The following SASH1 variants were observed in gnomAD, a reference collection of about 807,000 sequenced individuals.
The protein encoded by SASH1 is SAM and SH3 domain containing 1.
A neutral mutation model predicts 125.2 loss-of-function variants in SASH1; 44 were observed. The observed-to-expected ratio is 0.35, with a 90% CI of 0.28 to 0.45. The LOEUF is 0.45. Ranked by LOEUF, SASH1 falls within the 20% of genes least tolerant of loss-of-function variation. The pLI is 1.00. For missense variants in SASH1, 1,426 were observed against 1,614.5 expected (o/e 0.88, Z 2.00); for synonymous variants, 639 against 649.1 (o/e 0.98, Z 0.24).
At position 148,437,722 on chromosome 6, in the gene SASH1, A is replaced by AG. The variant is rs200617448; in HGVS notation, c.286-2462_286-2461insG. ...TAACATAGCAAGATGCTGTTTCTTTAAAAAAAAAAATTTGTTTAAATAGCT... is the reference window on the plus strand; with the variant it reads ...TAACATAGCAAGATGCTGTTTCTTTAGAAAAAAAAAATTTGTTTAAATAGCT... On this transcript the variant is annotated intron_variant, in intron 2 of 19. Coordinates refer to ENST00000367467, the MANE Select transcript of SASH1 (RefSeq NM_015278.5). 1.1e-3 allele frequency among the ~76,000 whole-genome samples: 169 copies of AG among 150,220 alleles called. 1 individual carries two copies. Among genetic ancestry groups the AG allele is most frequent in the African/African-American group, 4.0e-3 (161 of 40,530 alleles).
chr6:148,428,126 C>T (rs1260476499), intron 2 of SASH1, among the ~76,000 whole-genome samples: 1 of 152,174 alleles, frequency 6.6e-6, no homozygotes, highest in African/African-American at 2.4e-5. Context: ...CTGTAGCATC[C>T]CATGGCTCAC....
rs985743229 is a variant in SASH1, at chr6:148,511,337, A to G, written c.730-2987A>G. Reference sequence around the variant, plus strand: ...TTAATTTTCTATTACACACACACACACACACACACACACACACACACACAC... The same window carrying G: ...TTAATTTTCTATTACACACACACACGCACACACACACACACACACACACAC... On this transcript the variant is annotated intron_variant, in intron 8 of 19. Coordinates refer to ENST00000367467, the MANE Select transcript of SASH1 (RefSeq NM_015278.5). Among the ~76,000 whole-genome samples, 41 of 144,730 alleles carry G rather than the reference A, an allele frequency of 2.8e-4. No individual in the cohort carries two copies. The South Asian group carries it at 9.2e-3, about 33-fold the overall frequency. 94.9% of individuals were successfully genotyped at this position (144,730 alleles called of 152,430 possible).
intron 15 of SASH1, among the ~76,000 whole-genome samples, chr6:148,534,477 T>G (rs1164813687): frequency 6.6e-6 from 1 of 152,136 alleles, no homozygotes; most frequent in Non-Finnish European, 1.5e-5. Context: ...AGGAATTAGC[T>G]CTTATCAAGA....
rs1441624914 is a variant in SASH1 at position 148,519,833 on chromosome 6, A to G, written c.1149A>G (p.Lys383=). 6.2e-7 allele frequency: 1 copy of G among 1,611,226 alleles called. No homozygotes were observed. Among genetic ancestry groups the G allele is most frequent in the Non-Finnish European group, 8.5e-7 (1 of 1,178,876 alleles). ...ACCCAGAAGAAGAAAAGGCCCAGAAAGTGTCCCGCTCCCTCACCGAGGGGG... is the reference window on the plus strand; with the variant it reads ...ACCCAGAAGAAGAAAAGGCCCAGAAGGTGTCCCGCTCCCTCACCGAGGGGG... ...FSYPEEEKAQ[K]VSRSLTEGEM... Residue 383 remains lysine (K), a synonymous_variant, in exon 10 of 20, where the codon AAA becomes AAG. Coordinates refer to ENST00000367467, the MANE Select transcript of SASH1 (RefSeq NM_015278.5). This position sits in a 1 kb window ranked among gnomAD's most constrained non-coding sequence, Gnocchi z 4.8.
chr6:148,267,532 C>T (rs988944216), upstream of SASH1, among the ~76,000 whole-genome samples: 1 of 152,082 alleles, frequency 6.6e-6, no homozygotes, highest in Admixed American at 6.5e-5. Context: ...GTGCCCGCCA[C>T]CACGCCCGGC....
At chr6:148,349,241 CTTCTTTCTTTCTTTTTTT>C (rs1367246788) in intron 1 of SASH1, among the ~76,000 whole-genome samples, 1,303 of 87,068 alleles carry the variant, frequency 0.015, 40 homozygotes, top group African/African-American at 0.059. Flanking sequence ...TTCATTCTTT[CTTCTTTCTTTCTTTTTTT>C]TTTTTTTTTT....
At chr6:148,240,079 T>G in the SASH1 span, 4 of 152,322 alleles carry the variant, frequency 2.6e-5, no homozygotes, top group Admixed American at 2.6e-4. Context: ...AAAATGCAGT[T>G]ATATCAGAGA....
intron 1 of SASH1, among the ~76,000 whole-genome samples, chr6:148,357,546 G>T (rs961455129): frequency 3.9e-5 from 6 of 152,098 alleles, no homozygotes; most frequent in African/African-American, 1.4e-4. Flanking sequence ...TGGTGTCTTG[G>T]ATGCCAGTGT....
At chr6:148,528,001 G>A (rs1271772157) in intron 12 of SASH1, among the ~76,000 whole-genome samples, 3 of 76,832 alleles carry the variant, frequency 3.9e-5, no homozygotes, top group African/African-American at 5.9e-5. Context: ...GGGGGGGGGT[G>A]GCAGTAGACT....
chr6:148,228,075 A>T, the SASH1 span, among the ~76,000 whole-genome samples: 3 of 152,204 alleles, frequency 2.0e-5, no homozygotes, highest in Non-Finnish European at 4.4e-5. Flanking sequence ...CTGTAAGAGG[A>T]TTCATCCTCT....
chr6:148,338,647 C>A (rs892927924), upstream of SASH1, among the ~76,000 whole-genome samples: 1 of 151,966 alleles, frequency 6.6e-6, no homozygotes, highest in African/African-American at 2.4e-5. Context: ...TCCTATATGA[C>A]TCTGAAGTTG....
At chr6:148,315,875 G>T (rs1426217743) in intron 1 of SASH1, among the ~76,000 whole-genome samples, 2 of 152,144 alleles carry the variant, frequency 1.3e-5, no homozygotes. Flanking sequence ...CTACACTCCA[G>T]CCTGAGCCAT....
intron 16 of SASH1, among the ~76,000 whole-genome samples, chr6:148,538,208 T>C (rs1781988850): frequency 6.6e-6 from 1 of 152,176 alleles, no homozygotes; most frequent in South Asian, 2.1e-4. Flanking sequence ...CTGCTGAGGC[T>C]GGGGTCCCCA....
rs11339749 is a variant in SASH1, at chr6:148,290,999, G to GT, written n.74+18635dup. On this transcript the variant is annotated intron_variant and non_coding_transcript_variant, in intron 1 of 3. Transcript: ENST00000367469. The stretch of plus-strand genomic sequence containing the variant: ...TGCCTGCATTCTTCCACTTTATCTT[G>GT]TTTTTTTTTTTTTCTGTATGAGAAA... Among the ~76,000 whole-genome samples the GT allele has an allele frequency of 1.0e-3, 149 of 144,082 alleles. 1 individual carries two copies. The highest frequency in any genetic ancestry group is 3.6e-3 in the Middle Eastern group (1 of 280). The allele number at this position is 144,082 out of a possible 152,430, so 94.5% of individuals were successfully genotyped here.
intron 8 of SASH1, among the ~76,000 whole-genome samples, chr6:148,488,643 CCTTTCTCATCAACA>C: frequency 6.6e-6 from 1 of 152,330 alleles, no homozygotes. Context: ...CAAATTCTTG[CCTTTCTCATCAACA>C]CTTGTTGTTT....
chr6:148,514,567 A>G, intron 9 of SASH1, 111 bp downstream of exon 9: 2 of 1,271,106 alleles, frequency 1.6e-6, no homozygotes, highest in Non-Finnish European at 2.1e-6. Context: ...TTTCAAGTGG[A>G]AAATGCATTG....
At chr6:148,390,011 T>A (rs1468463966) in intron 1 of SASH1, 123 bp from the exon 2 acceptor site, 2 of 1,138,204 alleles carry the variant, frequency 1.8e-6, no homozygotes, top group Non-Finnish European at 2.5e-6. Flanking sequence ...AACCTGGCAC[T>A]TGATGTTTCC....
chr6:148,548,326 G>T lies in SASH1; in HGVS notation c.3512G>T (p.Arg1171Leu), dbSNP rs143577116. 6.2e-7 allele frequency: 1 copy of T among 1,613,292 alleles called. No homozygotes were observed. Among genetic ancestry groups the T allele is most frequent in the African/African-American group, 1.3e-5 (1 of 74,876 alleles). ...AGTGGTGGACTCACGGAAATCTGCC[G>T]AAAGCCCGTCTCTCCTGGGTGCATT... ...IPSGGLTEIC[R>L]KPVSPGCISS... Residue 1171 changes from arginine to leucine, a missense_variant, in exon 20 of 20, where the codon CGA becomes CTA. Physicochemically the swap from Arg to Leu is moderately radical, Grantham distance 102 (BLOSUM62 -2). Coordinates refer to ENST00000367467, the MANE Select transcript of SASH1 (RefSeq NM_015278.5).
intron 4 of SASH1, among the ~76,000 whole-genome samples, chr6:148,442,202 C>G (rs146871567): frequency 2.6e-4 from 40 of 151,940 alleles, no homozygotes; most frequent in Non-Finnish European, 7.4e-5. Context: ...GCCTGGGCAA[C>G]ATAGTAAGAC....
Sources: gnomAD v4.1 joint callset for allele counts (sites outside exome capture counted in the v4.1 genomes callset) on GRCh38, gnomAD v4.1.1 for gene constraint, Gnocchi (gnomAD v3.1) non-coding constraint, MANE v1.5 for transcripts, NCBI Gene and HGNC (gene_info 2026-07-23, HGNC 2026-07-21) for gene names.